The following WDR64 variants were observed in gnomAD, a reference collection of about 807,000 sequenced individuals.
WDR64 encodes the protein WD repeat-containing protein 64.
In WDR64, 112 loss-of-function variants were observed where a neutral mutation model predicts 139.3. The observed-to-expected ratio is 0.80, with a 90% CI of 0.69 to 0.94. The LOEUF is 0.94. Ranked by LOEUF, WDR64 falls within the 40% of genes least tolerant of loss-of-function variation. The pLI is 0.00. For missense variants in WDR64, 1,206 were observed against 1,293.1 expected (o/e 0.93, Z 1.03); for synonymous variants, 444 against 437.7 (o/e 1.01, Z -0.18).
chr1:241,773,112 G>A (rs1009806099), intron 20 of WDR64, among the ~76,000 whole-genome samples, 181 bp downstream of exon 20: 4 of 152,188 alleles, frequency 2.6e-5, no homozygotes, highest in South Asian at 4.1e-4. Context: ...CGAGAGAAGG[G>A]TTTTGTAATT....
rs117007087 is a variant in WDR64, at chr1:241,692,819, C to T, written c.974+5224C>T. ...TGGGAAATAAGCATAAGAAAGGATGCAAAACACTTTAAGTCATGAAGGAAA... is the reference window on the plus strand; with the variant it reads ...TGGGAAATAAGCATAAGAAAGGATGTAAAACACTTTAAGTCATGAAGGAAA... On this transcript the variant is annotated intron_variant, in intron 8 of 27. Coordinates refer to ENST00000437684, the MANE Select transcript of WDR64 (RefSeq NM_001367482.1). 4.0e-4 allele frequency among the ~76,000 whole-genome samples: 61 copies of T among 152,052 alleles called. 1 individual carries two copies. The East Asian group carries it at 9.4e-3, about 24-fold the overall frequency.
intron 22 of WDR64, among the ~76,000 whole-genome samples, chr1:241,781,814 T>C (rs1228837931): frequency 3.9e-5 from 6 of 152,238 alleles, no homozygotes; most frequent in African/African-American, 9.6e-5. Context: ...ACATTTCACA[T>C]AGGTGAAGTA....
intron 13 of WDR64, among the ~76,000 whole-genome samples, chr1:241,745,770 A>C (rs561287903): frequency 6.6e-6 from 1 of 152,202 alleles, no homozygotes; most frequent in African/African-American, 2.4e-5. Flanking sequence ...AAATTGACAG[A>C]GATCCAGGAC....
At chr1:241,730,774 C>CA (rs1669046967) in intron 10 of WDR64, among the ~76,000 whole-genome samples, 1 of 152,078 alleles carries the variant, frequency 6.6e-6, no homozygotes, top group Non-Finnish European at 1.5e-5. Flanking sequence ...TAATCTTTGT[C>CA]AAAAAGAAGC....
Position 241,723,330 on chromosome 1 carries a change from A to G in WDR64, c.1088A>G (p.Asn363Ser). The G allele has an allele frequency of 6.2e-7, 1 of 1,613,990 alleles. No individual in the cohort carries two copies. The highest frequency in any genetic ancestry group is 8.5e-7 in the Non-Finnish European group (1 of 1,179,902). The change falls in exon 10 of 28, where the codon AAT (asparagine) becomes AGT (serine). Residue 363 changes from asparagine to serine, a missense_variant. Coordinates refer to ENST00000437684, the MANE Select transcript of WDR64 (RefSeq NM_001367482.1). The part of the protein sequence containing the change: ...DDKVIRLWHP[N>S]ISTKPVGKLV... ...AAGGTCATCCGGTTGTGGCACCCCA[A>G]TATCAGCACCAAGCCAGTAGGGAAA...
chr1:241,800,452 T>G (rs867699216), intron 27 of WDR64, among the ~76,000 whole-genome samples: 2 of 152,210 alleles, frequency 1.3e-5, no homozygotes, highest in Non-Finnish European at 2.9e-5. Flanking sequence ...GTTTAAATTT[T>G]TATACCTATT....
chr1:241,708,470 T>C (rs1668037701), intron 8 of WDR64, among the ~76,000 whole-genome samples: 1 of 152,112 alleles, frequency 6.6e-6, no homozygotes, highest in Non-Finnish European at 1.5e-5. Flanking sequence ...TACACCACCA[T>C]GCCTGGCTAA....
At chr1:241,674,557 A>T in intron 3 of WDR64, 87 bp from the exon 4 acceptor site, 1 of 777,530 alleles carries the variant, frequency 1.3e-6, no homozygotes, top group Non-Finnish European at 2.1e-6. Flanking sequence ...TGCCCTGGCC[A>T]TATCATTTTT....
At chr1:241,748,013 G>A (rs1041225803) in intron 13 of WDR64, among the ~76,000 whole-genome samples, 2 of 152,178 alleles carry the variant, frequency 1.3e-5, no homozygotes, top group East Asian at 1.9e-4. Context: ...CACAGAGCTC[G>A]TCACATGTCA....
chr1:241,711,738 A>G, intron 8 of WDR64, 64 bp from the exon 9 acceptor site: 2 of 1,522,252 alleles, frequency 1.3e-6, no homozygotes, highest in Non-Finnish European at 1.8e-6. Context: ...TAATCTATTT[A>G]TAAGTCAGAA....
chr1:241,737,762 A>C (rs1669382754), intron 10 of WDR64, among the ~76,000 whole-genome samples: 2 of 152,166 alleles, frequency 1.3e-5, no homozygotes, highest in South Asian at 4.1e-4. Context: ...TATCAACTTA[A>C]GTTCTATTTG....
chr1:241,796,579 G>A (rs1217120739), intron 27 of WDR64, among the ~76,000 whole-genome samples: 1 of 150,846 alleles, frequency 6.6e-6, no homozygotes, highest in Admixed American at 6.6e-5. Flanking sequence ...TGCAACCTCC[G>A]CCTACCAGGT....
intron 5 of WDR64, among the ~76,000 whole-genome samples, chr1:241,679,280 T>C (rs1666679591): frequency 2.0e-5 from 3 of 152,046 alleles, no homozygotes; most frequent in African/African-American, 2.4e-5. Context: ...CTCCAGCTGA[T>C]AGTACTGAGA....
chr1:241,746,411 C>T (rs1669756225), intron 13 of WDR64, among the ~76,000 whole-genome samples: 1 of 151,964 alleles, frequency 6.6e-6, no homozygotes, highest in South Asian at 2.1e-4. Context: ...GTTTATCATC[C>T]CTCTGGCCCC....
At chr1:241,731,664 G>A (rs761659220) in intron 10 of WDR64, among the ~76,000 whole-genome samples, 4 of 152,096 alleles carry the variant, frequency 2.6e-5, no homozygotes, top group East Asian at 1.9e-4. Context: ...GAGGACTTTC[G>A]TTTTTGTACT....
At chr1:241,758,337 AG>A (rs1670291789) in intron 15 of WDR64, among the ~76,000 whole-genome samples, 2 of 148,092 alleles carry the variant, frequency 1.4e-5, no homozygotes, top group South Asian at 4.3e-4. Context: ...GTATCTCAGC[AG>A]CCATTGATGA....
At chr1:241,685,324 T>C (rs891525149) in intron 7 of WDR64, among the ~76,000 whole-genome samples, 1 of 151,790 alleles carries the variant, frequency 6.6e-6, no homozygotes, top group African/African-American at 2.4e-5. Flanking sequence ...AAAGTGTTTA[T>C]GACATAATGT....
intron 11 of WDR64, among the ~76,000 whole-genome samples, chr1:241,741,186 G>A (rs1226389452): frequency 1.3e-5 from 2 of 152,184 alleles, no homozygotes; most frequent in African/African-American, 4.8e-5. Context: ...GAGGCATGCT[G>A]CAGGCACAAT....
At chr1:241,673,399 C>A (rs1284667141) in intron 3 of WDR64, among the ~76,000 whole-genome samples, 1 of 152,022 alleles carries the variant, frequency 6.6e-6, no homozygotes, top group Admixed American at 6.6e-5. Flanking sequence ...TGGTGGCTTG[C>A]AATAGGGCAG....
Sources: gnomAD v4.1 joint callset for allele counts (sites outside exome capture counted in the v4.1 genomes callset) on GRCh38, gnomAD v4.1.1 for gene constraint, MANE v1.5 for transcripts, NCBI Gene and HGNC (gene_info 2026-07-23, HGNC 2026-07-21) for gene names.